The following SPARCL1 variants were observed in gnomAD, a reference collection of about 807,000 sequenced individuals.
SPARCL1 encodes SPARC like 1.
In SPARCL1, 52 loss-of-function variants were observed where a neutral mutation model predicts 67.1. The observed-to-expected ratio is 0.78, with a 90% CI of 0.62 to 0.98. The LOEUF is 0.98. SPARCL1 is among the 50% of genes least tolerant of loss of function. SPARCL1 has a pLI of 0.00. For missense variants in SPARCL1, 717 were observed against 782.4 expected, an observed-to-expected ratio of 0.92 and a Z score of 1.00; for synonymous variants, 226 against 267.8, an observed-to-expected ratio of 0.84 and a Z score of 1.52.
chr4:87,518,814 C>T (rs1725687481), intron 1 of SPARCL1, among the ~76,000 whole-genome samples: 1 of 152,108 alleles, frequency 6.6e-6, no homozygotes, highest in Non-Finnish European at 1.5e-5. Flanking sequence ...AGAATTTGTG[C>T]TTTGTTTCTT....
Position 87,495,014 on chromosome 4 carries a change from TG to T in SPARCL1, c.167del (p.Thr56LysfsTer19). 1.9e-6 allele frequency: 3 copies of T among 1,612,616 alleles called. No homozygotes were observed. The South Asian group carries it at 3.3e-5, about 18-fold the overall frequency. ...RAEAEENEKE[T>X]AVSTEDDSHH... ...GGGAATCGTCTTCTGTGGATACTGCTGTTTCTTTTTCATTTTCTTCAGCTTC... is the reference window on the plus strand; with the variant it reads ...GGGAATCGTCTTCTGTGGATACTGCTTTTCTTTTTCATTTTCTTCAGCTTC... On this transcript the variant is annotated frameshift_variant, in exon 3 of 11. Transcript: ENST00000282470. LOFTEE classifies it high-confidence loss of function.
intron 1 of SPARCL1, among the ~76,000 whole-genome samples, chr4:87,506,815 AT>A (rs1173999676): frequency 4.4e-4 from 66 of 149,162 alleles, no homozygotes; most frequent in Admixed American, 1.1e-3. Context: ...CTATCTATCT[AT>A]CTATCTATCT....
chr4:87,521,178 A>G (rs1300729412), intron 1 of SPARCL1, among the ~76,000 whole-genome samples: 1 of 152,200 alleles, frequency 6.6e-6, no homozygotes, highest in Non-Finnish European at 1.5e-5. Context: ...ATAGTTTTTT[A>G]GAACATTAAT....
chr4:87,517,981 A>G (rs1725653607), intron 1 of SPARCL1, among the ~76,000 whole-genome samples: 1 of 152,198 alleles, frequency 6.6e-6, no homozygotes, highest in Non-Finnish European at 1.5e-5. Flanking sequence ...AAGTCCCTTT[A>G]GGATTCAGAT....
Position 87,505,725 on chromosome 4 carries a change from T to G in SPARCL1, c.-11-6140A>C, listed in dbSNP as rs72654111. On this transcript the variant is annotated intron_variant, in intron 1 of 10. Coordinates refer to ENST00000282470, the MANE Select transcript of SPARCL1 (RefSeq NM_004684.6). ...GCAAACTATTATGCTCAGCTAATTGTTTTTTTTTTTTTTTGTAGAGATGGG... is the reference window on the plus strand; with the variant it reads ...GCAAACTATTATGCTCAGCTAATTGGTTTTTTTTTTTTTTGTAGAGATGGG... Among the ~76,000 whole-genome samples, 138 of 40,550 alleles carry G rather than the reference T, an allele frequency of 3.4e-3. 1 individual carries two copies. Among genetic ancestry groups the G allele is most frequent in the East Asian group, 0.018 (6 of 328 alleles). 26.6% of individuals were successfully genotyped at this position (40,550 alleles called of 152,430 possible).
At chr4:87,522,623 C>A (rs1418991182) in intron 1 of SPARCL1, among the ~76,000 whole-genome samples, 1 of 147,642 alleles carries the variant, frequency 6.8e-6, no homozygotes, top group Admixed American at 6.9e-5. Flanking sequence ...ACCCGCTCCT[C>A]CCAGCCACCA....
chr4:87,497,128 C>T, intron 2 of SPARCL1: 2 of 723,578 alleles, frequency 2.8e-6, no homozygotes, highest in Non-Finnish European at 3.4e-6. Context: ...GTGATCTGCC[C>T]ACCTTGGCCT....
rs77153425 is a variant in SPARCL1 at position 87,504,272 on chromosome 4, A to G, written c.-11-4687T>C. 2.5e-3 allele frequency among the ~76,000 whole-genome samples: 379 copies of G among 151,986 alleles called. 5 individuals are homozygous for G. The East Asian group carries it at 0.047, about 19-fold the overall frequency. On this transcript the variant is annotated intron_variant, in intron 1 of 10. Coordinates refer to ENST00000282470, the MANE Select transcript of SPARCL1 (RefSeq NM_004684.6). ...TACTAGTCTGGACTAATCAATTCCC[A>G]GTTTTAATGAAAAGGACATGTACTT...
chr4:87,484,537 T>A (rs1723971875), intron 7 of SPARCL1, among the ~76,000 whole-genome samples: 1 of 152,202 alleles, frequency 6.6e-6, no homozygotes, highest in African/African-American at 2.4e-5. Context: ...GCTTTGTTGT[T>A]TTTGCTTAGG....
At chr4:87,505,543 A>T (rs759129159) in intron 1 of SPARCL1, among the ~76,000 whole-genome samples, 1 of 151,784 alleles carries the variant, frequency 6.6e-6, no homozygotes, top group Non-Finnish European at 1.5e-5. Flanking sequence ...ATAGTCACTT[A>T]TATTTTATTT....
At chr4:87,478,375 T>G (rs569029695) in intron 10 of SPARCL1, among the ~76,000 whole-genome samples, 23 of 151,548 alleles carry the variant, frequency 1.5e-4, no homozygotes, top group South Asian at 8.3e-4. Flanking sequence ...ACTATCATTT[T>G]TGTGTGTGTG....
At chr4:87,497,197 T>C (rs1049265173) in intron 2 of SPARCL1, 2 of 984,910 alleles carry the variant, frequency 2.0e-6, no homozygotes, top group Admixed American at 6.1e-5. Flanking sequence ...ACAGGATTCA[T>C]ATTAGGTTTG....
chr4:87,493,002 T>C lies in SPARCL1; in HGVS notation c.1218+580A>G, dbSNP rs141498700. 1.1e-3 allele frequency among the ~76,000 whole-genome samples: 173 copies of C among 152,360 alleles called. 3 individuals are homozygous for C. The Middle Eastern group carries it at 0.014, about 12-fold the overall frequency. Reference sequence around the variant, plus strand: ...CTGGTGATTCAACTCGAAAACAATATGGCATCTGCTTTCAAGGCATTAGAG... The same window carrying C: ...CTGGTGATTCAACTCGAAAACAATACGGCATCTGCTTTCAAGGCATTAGAG... On this transcript the variant is annotated intron_variant, in intron 4 of 10. Coordinates refer to ENST00000282470, the MANE Select transcript of SPARCL1 (RefSeq NM_004684.6).
At chr4:87,479,400 T>A in intron 10 of SPARCL1, 30 bp downstream of exon 10, 1 of 1,602,164 alleles carries the variant, frequency 6.2e-7, no homozygotes, top group Non-Finnish European at 8.5e-7. Flanking sequence ...GAAGAAGACA[T>A]CCCTCTTCTT....
intron 1 of SPARCL1, among the ~76,000 whole-genome samples, chr4:87,500,376 G>T (rs1211576714): frequency 2.0e-5 from 3 of 152,260 alleles, no homozygotes; most frequent in Non-Finnish European, 4.4e-5. Flanking sequence ...GCTCAGAGAG[G>T]TTAAGTAAGT....
rs745393604 is a variant in SPARCL1 at position 87,499,523 on chromosome 4, G to A, written c.52C>T (p.Pro18Ser). Reference protein sequence around the residue: ...LCLLGTAAAIPTNARLLSDHS... With the variant: ...LCLLGTAAAISTNARLLSDHS... Reference sequence around the variant, plus strand: ...ATAACAGAAGAAAGGAAATTTACCGGGATTGCAGCTGCAGTTCCCAAGAGA... The same window carrying A: ...ATAACAGAAGAAAGGAAATTTACCGAGATTGCAGCTGCAGTTCCCAAGAGA... The change falls in exon 2 of 11, where the codon CCG becomes TCG. Residue 18 changes from proline to serine, a missense_variant and splice_region_variant. Pro to Ser is a moderately conservative substitution (Grantham distance 74, BLOSUM62 -1). Transcript: ENST00000282470. The A allele has an allele frequency of 1.2e-6, 2 of 1,603,266 alleles. No homozygotes were observed. Among genetic ancestry groups the A allele is most frequent in the South Asian group, 1.1e-5 (1 of 88,146 alleles).
intron 1 of SPARCL1, among the ~76,000 whole-genome samples, chr4:87,525,378 A>G (rs116877950): frequency 6.6e-6 from 1 of 152,172 alleles, no homozygotes; most frequent in Non-Finnish European, 1.5e-5. Flanking sequence ...CACAGAATGG[A>G]TTAGATTAAA....
At chr4:87,496,839 T>C (rs1724639387) in intron 2 of SPARCL1, among the ~76,000 whole-genome samples, 1 of 152,174 alleles carries the variant, frequency 6.6e-6, no homozygotes, top group African/African-American at 2.4e-5. Context: ...TAGTGCTGAC[T>C]GTGTAATAGT....
At chr4:87,521,828 G>T (rs1041976530) in intron 1 of SPARCL1, among the ~76,000 whole-genome samples, 1 of 152,172 alleles carries the variant, frequency 6.6e-6, no homozygotes, top group Non-Finnish European at 1.5e-5. Flanking sequence ...ATAAGGCCAG[G>T]TATCTTCTGT....
Sources: gnomAD v4.1 joint callset for allele counts (sites outside exome capture counted in the v4.1 genomes callset) on GRCh38, gnomAD v4.1.1 for gene constraint, MANE v1.5 for transcripts, NCBI Gene and HGNC (gene_info 2026-07-23, HGNC 2026-07-21) for gene names.